IL19: variants seen among roughly 807,000 people sequenced by gnomAD.
IL19 encodes interleukin 19.
A neutral mutation model predicts 19.5 loss-of-function variants in IL19; 15 were observed. The observed-to-expected ratio is 0.77, with a 90% CI of 0.52 to 1.19. The LOEUF (loss-of-function observed/expected upper bound fraction) is 1.19. IL19 is among the 50% of genes most tolerant of loss of function. The pLI is 0.00. For missense variants in IL19, 199 were observed against 213.1 expected (o/e 0.93, Z 0.41); for synonymous variants, 78 against 78.3 (o/e 1.00, Z 0.02).
chr1:206,787,147 G>A (rs777252183), intron 1 of IL19, among the ~76,000 whole-genome samples: 30 of 152,054 alleles, frequency 2.0e-4, no homozygotes, highest in Non-Finnish European at 1.9e-4. Flanking sequence ...GCTCTCCCAC[G>A]TCCTTACTTC....
chr1:206,787,929 G>T (rs1333690795), intron 1 of IL19, among the ~76,000 whole-genome samples: 1 of 152,116 alleles, frequency 6.6e-6, no homozygotes, highest in Non-Finnish European at 1.5e-5. Flanking sequence ...AGCCCCATCA[G>T]GTCTCGCTTT....
intron 2 of IL19, chr1:206,833,993 G>C: frequency 1.0e-6 from 1 of 985,576 alleles, no homozygotes; most frequent in Non-Finnish European, 1.2e-6. Flanking sequence ...GGCTGATTGA[G>C]AGTGCTTTTG....
chr1:206,771,179 C>G, intron 1 of IL19, 101 bp downstream of exon 1: 1 of 1,258,130 alleles, frequency 7.9e-7, no homozygotes, highest in Non-Finnish European at 1.2e-6. Context: ...AGAAGCCTCC[C>G]CGAAGGGACT....
Position 206,837,023 on chromosome 1 carries a change from G to A in IL19, c.210G>A (p.Lys70=). 1 of 1,611,554 alleles carries A rather than the reference G, an allele frequency of 6.2e-7. No individual in the cohort carries two copies. The highest frequency in any genetic ancestry group is 8.5e-7 in the Non-Finnish European group (1 of 1,177,756). The change falls in exon 4 of 7, where the codon AAG becomes AAA. Residue 70 remains lysine, a splice_region_variant and synonymous_variant. Coordinates refer to ENST00000659997, the MANE Select transcript of IL19 (RefSeq NM_153758.5). ...LSTLETLQII[K]PLDVCCVTKN... ...CATTGGAGACTCTGCAGATCATTAA[G>A]GTATTGGCCTGTGTCTGCTTTTTCC...
At chr1:206,781,414 CAAAAAAAAAAAAA>C (rs57060549) in intron 1 of IL19, among the ~76,000 whole-genome samples, 1 of 43,028 alleles carries the variant, frequency 2.3e-5, no homozygotes, top group Non-Finnish European at 4.2e-5. Context: ...GACTCTGTCT[CAAAAAAAAAAAAA>C]AAAAAAAAAA....
chr1:206,806,233 TAG>T (rs1675841585), intron 2 of IL19, among the ~76,000 whole-genome samples: 1 of 152,262 alleles, frequency 6.6e-6, no homozygotes, highest in African/African-American at 2.4e-5. Flanking sequence ...CAGCTTTACC[TAG>T]AGTCATATGG....
intron 2 of IL19, among the ~76,000 whole-genome samples, chr1:206,808,529 A>C (rs2102465803): frequency 7.8e-6 from 1 of 128,388 alleles, no homozygotes; most frequent in East Asian, 4.1e-4. Context: ...GTGTGTGCCC[A>C]TGTGCACGCA....
intron 1 of IL19, among the ~76,000 whole-genome samples, chr1:206,794,894 T>C (rs1675485461): frequency 6.6e-6 from 1 of 152,182 alleles, no homozygotes; most frequent in Non-Finnish European, 1.5e-5. Context: ...TTGGCAAAAG[T>C]GCTGTGGGAT....
chr1:206,827,988 T>G (rs1420773421), intron 2 of IL19, among the ~76,000 whole-genome samples: 1 of 152,234 alleles, frequency 6.6e-6, no homozygotes, highest in African/African-American at 2.4e-5. Context: ...ACAATGCATA[T>G]GGATGCTTCA....
At chr1:206,810,522 C>A (rs772820221) in intron 2 of IL19, among the ~76,000 whole-genome samples, 8 of 152,170 alleles carry the variant, frequency 5.3e-5, no homozygotes, top group South Asian at 2.1e-4. Context: ...AACACATTGA[C>A]GAAGGTAGCA....
intron 1 of IL19, among the ~76,000 whole-genome samples, chr1:206,778,117 A>G (rs572201408): frequency 6.6e-6 from 1 of 152,346 alleles, no homozygotes; most frequent in Admixed American, 6.5e-5. Flanking sequence ...GAATGGAACA[A>G]GGGTTATGCA....
rs997265032 is a variant in IL19, at chr1:206,794,899, T to C, written c.-148-3962T>C. Among the ~76,000 whole-genome samples, 59 of 152,248 alleles carry C rather than the reference T, an allele frequency of 3.9e-4. 1 individual carries two copies. Among genetic ancestry groups the C allele is most frequent in the African/African-American group, 1.3e-3 (55 of 41,552 alleles). ...CTCATGTGAATTGGCAAAAGTGCTGTGGGATGGAAAATATTGGAATCTCAG... is the reference window on the plus strand; with the variant it reads ...CTCATGTGAATTGGCAAAAGTGCTGCGGGATGGAAAATATTGGAATCTCAG... On this transcript the variant is annotated intron_variant, in intron 1 of 6. Coordinates refer to ENST00000659997, the MANE Select transcript of IL19 (RefSeq NM_153758.5).
chr1:206,802,723 A>G (rs1675744186), intron 2 of IL19, among the ~76,000 whole-genome samples: 1 of 151,452 alleles, frequency 6.6e-6, no homozygotes. Context: ...CTTCTCTTCC[A>G]ACACTGTCCC....
intron 2 of IL19, among the ~76,000 whole-genome samples, chr1:206,815,213 A>G (rs1324505487): frequency 6.6e-6 from 1 of 152,208 alleles, no homozygotes; most frequent in Non-Finnish European, 1.5e-5. Context: ...CCAAGAACAA[A>G]CAGCCTGAGA....
intron 1 of IL19, among the ~76,000 whole-genome samples, chr1:206,776,693 C>G (rs577733512): frequency 6.6e-6 from 1 of 151,866 alleles, no homozygotes; most frequent in Non-Finnish European, 1.5e-5. Flanking sequence ...TTAGCTCACA[C>G]CCGACCAATC....
intron 1 of IL19, chr1:206,771,401 C>G: frequency 6.2e-7 from 1 of 1,611,650 alleles, no homozygotes; most frequent in Non-Finnish European, 8.5e-7. Flanking sequence ...AGTTGTCCAG[C>G]TGATCCTTCA....
chr1:206,808,524 T>TGTGTGTGC lies in IL19; in HGVS notation c.-3+9519_-3+9520insTGTGTGCG, dbSNP rs1489183020. Among the ~76,000 whole-genome samples, 9 of 148,796 alleles carry TGTGTGTGC rather than the reference T, an allele frequency of 6.0e-5. No homozygotes were observed. In the East Asian group the frequency reaches 7.9e-4, roughly 13 times the overall value. On this transcript the variant is annotated intron_variant, in intron 2 of 6. Coordinates refer to ENST00000659997, the MANE Select transcript of IL19 (RefSeq NM_153758.5). ...GCGTGTGTGTGTGTGTGTGTGTGTGTGCCCATGTGCACGCATGGTGGGGTG... is the reference window on the plus strand; with the variant it reads ...GCGTGTGTGTGTGTGTGTGTGTGTGTGTGTGTGCGCCCATGTGCACGCATGGTGGGGTG...
intron 2 of IL19, among the ~76,000 whole-genome samples, chr1:206,814,273 A>C (rs182155776): frequency 3.3e-5 from 5 of 152,146 alleles, no homozygotes; most frequent in Admixed American, 2.0e-4. Flanking sequence ...AGTAAATATT[A>C]ATAGAACATT....
chr1:206,815,606 A>G (rs921839750), intron 2 of IL19, among the ~76,000 whole-genome samples: 2 of 152,222 alleles, frequency 1.3e-5, no homozygotes, highest in Admixed American at 6.5e-5. Flanking sequence ...ATCCACCACG[A>G]TTTTGGAGAT....
Sources: gnomAD v4.1 joint callset for allele counts (sites outside exome capture counted in the v4.1 genomes callset) on GRCh38, gnomAD v4.1.1 for gene constraint, MANE v1.5 for transcripts, NCBI Gene and HGNC (gene_info 2026-07-23, HGNC 2026-07-21) for gene names.